The following ZMYND11 variants were observed in gnomAD, a reference collection of about 807,000 sequenced individuals.
ZMYND11 encodes the protein zinc finger MYND domain-containing protein 11.
In ZMYND11, 9 loss-of-function variants were observed where a neutral mutation model predicts 84.9. The ratio of observed to expected loss-of-function variants is 0.11; its 90% CI spans 0.06 to 0.18. ZMYND11 has a LOEUF of 0.18. ZMYND11 is among the 10% of genes least tolerant of loss of function. ZMYND11 has a pLI of 1.00. For synonymous variants in ZMYND11, 250 were observed against 244.1 expected, an observed-to-expected ratio of 1.02 and a Z score of -0.23; for missense variants, 409 against 761.0, an observed-to-expected ratio of 0.54 and a Z score of 5.44.
At chr10:197,527 G>A (rs1942106718) in intron 2 of ZMYND11, among the ~76,000 whole-genome samples, 1 of 152,210 alleles carries the variant, frequency 6.6e-6, no homozygotes, top group Non-Finnish European at 1.5e-5. Context: ...AAGTCCAACA[G>A]CCTGCTGAGG....
In ZMYND11 at chr10:240,038, A is replaced by G. The variant is rs773848220; in HGVS notation, c.698-18A>G. The G allele has an allele frequency of 6.2e-6, 10 of 1,604,226 alleles. No homozygotes were observed. Among genetic ancestry groups the G allele is most frequent in the East Asian group, 2.2e-5 (1 of 44,716 alleles). ...TTGCAGACTATTGCTTATAGGTAAT[A>G]TCTATTTTTAATTACAGCAGACAGT... On this transcript the variant is annotated intron_variant, in intron 7 of 14. Transcript: ENST00000381604.
intron 1 of ZMYND11, among the ~76,000 whole-genome samples, chr10:177,000 CTTTCTT>C (rs1253282105): frequency 8.5e-5 from 13 of 152,226 alleles, no homozygotes; most frequent in African/African-American, 3.1e-4. Context: ...GATTCTAAGA[CTTTCTT>C]TTTATTGATG....
rs564934971 is a variant in ZMYND11, at chr10:222,270, G to A, written c.438+914G>A. On this transcript the variant is annotated intron_variant, in intron 4 of 14. Transcript: ENST00000381604. The stretch of plus-strand genomic sequence containing the variant: ...GGCATTAGTCGAAAATTTCCTGTTA[G>A]CATCATAAGCAAACTACAGTATATG... Among the ~76,000 whole-genome samples, 392 of 152,070 alleles carry A rather than the reference G, an allele frequency of 2.6e-3. 3 individuals are homozygous for A. The highest frequency in any genetic ancestry group is 9.0e-3 in the African/African-American group (375 of 41,464).
rs74113807 is a variant in ZMYND11 at position 160,354 on chromosome 10, A to T, written c.-19-19640A>T. Among the ~76,000 whole-genome samples, 624 of 152,358 alleles carry T rather than the reference A, an allele frequency of 4.1e-3. 4 individuals carry two copies. Among genetic ancestry groups the T allele is most frequent in the African/African-American group, 0.014 (588 of 41,574 alleles). The stretch of plus-strand genomic sequence containing the variant: ...TTTATTGCTAAAAATGTTAACAATC[A>T]TCTGAGCCTTCAGGGAATTGTGGTC... On this transcript the variant is annotated intron_variant, in intron 1 of 14. Transcript: ENST00000381604.
At chr10:148,529 A>C (rs1266247745) in intron 1 of ZMYND11, 2 of 152,282 alleles carry the variant, frequency 1.3e-5, no homozygotes, top group Non-Finnish European at 2.9e-5. Context: ...TTCACTCCTT[A>C]GTAATTTTAT....
intron 1 of ZMYND11, among the ~76,000 whole-genome samples, chr10:144,899 G>A (rs2131207689): frequency 6.6e-6 from 1 of 150,396 alleles, no homozygotes; most frequent in Non-Finnish European, 1.5e-5. Flanking sequence ...ATATTAAAGA[G>A]ATTTTTAAAA....
intron 1 of ZMYND11, among the ~76,000 whole-genome samples, chr10:168,821 T>C (rs968591731): frequency 2.0e-4 from 31 of 152,072 alleles, no homozygotes; most frequent in Non-Finnish European, 7.4e-5. Context: ...AAAACCTCTG[T>C]GGGGATCAGT....
chr10:185,614 G>A (rs1422883507), intron 2 of ZMYND11, among the ~76,000 whole-genome samples: 4 of 151,328 alleles, frequency 2.6e-5, no homozygotes, highest in East Asian at 1.9e-4. Flanking sequence ...AGGGGTTCGA[G>A]ACCAGCCTTG....
chr10:176,705 A>G (rs990800128), intron 1 of ZMYND11, among the ~76,000 whole-genome samples: 4 of 152,190 alleles, frequency 2.6e-5, no homozygotes, highest in Admixed American at 6.6e-5. Context: ...ACAGAGGACA[A>G]TTGAGTTTTA....
At chr10:198,117 T>C in intron 2 of ZMYND11, 29 of 346,658 alleles carry the variant, frequency 8.4e-5, no homozygotes, top group Middle Eastern at 6.7e-4. Flanking sequence ...AAAATTGAGA[T>C]TTTAAATTAA....
chr10:166,272 T>G (rs1554763782), intron 1 of ZMYND11, among the ~76,000 whole-genome samples: 1 of 152,108 alleles, frequency 6.6e-6, no homozygotes, highest in African/African-American at 2.4e-5. Flanking sequence ...TTTGAAAGTT[T>G]TATGCATTAA....
chr10:220,549 C>A (rs2131410227), intron 3 of ZMYND11, among the ~76,000 whole-genome samples: 1 of 152,224 alleles, frequency 6.6e-6, no homozygotes, highest in East Asian at 1.9e-4. Flanking sequence ...AGGCTACTTC[C>A]TTTTTTGTTT....
At chr10:220,430 G>A (rs1480404859) in intron 3 of ZMYND11, among the ~76,000 whole-genome samples, 1 of 151,932 alleles carries the variant, frequency 6.6e-6, no homozygotes, top group Non-Finnish European at 1.5e-5. Context: ...TACTTAAAGG[G>A]TATTAGCTGT....
chr10:206,308 C>A (rs189272076), intron 2 of ZMYND11, among the ~76,000 whole-genome samples: 85 of 151,938 alleles, frequency 5.6e-4, no homozygotes, highest in Non-Finnish European at 1.1e-3. Context: ...TGCAGTGAGC[C>A]GAGATCATGC....
chr10:190,899 T>G (rs1281425545), intron 2 of ZMYND11, among the ~76,000 whole-genome samples: 37 of 152,034 alleles, frequency 2.4e-4, no homozygotes, highest in Non-Finnish European at 2.8e-4. Context: ...AATATATATA[T>G]AGATATATAA....
chr10:238,447 C>T (rs1950341452), intron 6 of ZMYND11, among the ~76,000 whole-genome samples: 3 of 152,150 alleles, frequency 2.0e-5, no homozygotes, highest in East Asian at 1.9e-4. Flanking sequence ...AGCTCTGCCT[C>T]CCGGGTTCAC....
chr10:156,101 A>G (rs1021781665), intron 1 of ZMYND11, among the ~76,000 whole-genome samples: 11 of 152,182 alleles, frequency 7.2e-5, no homozygotes, highest in African/African-American at 2.4e-4. Context: ...AATTTTGATC[A>G]TCATGCCTTG....
At chr10:168,530 A>C (rs1844537355) in intron 1 of ZMYND11, among the ~76,000 whole-genome samples, 1 of 152,152 alleles carries the variant, frequency 6.6e-6, no homozygotes, top group South Asian at 2.1e-4. Flanking sequence ...ATACTAGTTC[A>C]GTGGTTGCTT....
intron 1 of ZMYND11, among the ~76,000 whole-genome samples, chr10:158,991 G>GTTTTTTTTTTTTTTT (rs71374342): frequency 6.8e-5 from 4 of 58,594 alleles, no homozygotes; most frequent in Admixed American, 2.6e-4. Flanking sequence ...TTTGTTTTTT[G>GTTTTTTTTTTTTTTT]TTTTTTTTTT....
Sources: allele counts gnomAD v4.1 joint callset (sites outside exome capture counted in the v4.1 genomes callset), GRCh38; gene constraint gnomAD v4.1.1; transcripts MANE v1.5; gene names NCBI Gene and HGNC (gene_info 2026-07-23, HGNC 2026-07-21).